Variants in RGMB observed in about 807,000 individuals in gnomAD.
The protein encoded by RGMB is repulsive guidance molecule B.
RGMB carries 16 observed loss-of-function variants against 26.9 expected under a neutral mutation model. The observed-to-expected ratio is 0.60, with a 90% CI of 0.40 to 0.90. The LOEUF is 0.90. RGMB is among the 40% of genes least tolerant of loss of function. The pLI, the probability that RGMB is intolerant of heterozygous loss-of-function variation, is 0.00. For synonymous variants in RGMB, 225 were observed against 229.3 expected (o/e 0.98, Z 0.17); for missense variants, 512 against 573.3 (o/e 0.89, Z 1.09).
intron 1 of RGMB, among the ~76,000 whole-genome samples, chr5:98,774,455 A>T (rs1746320606): frequency 6.6e-6 from 1 of 152,128 alleles, no homozygotes; most frequent in Non-Finnish European, 1.5e-5. Context: ...GACCGCTGAC[A>T]AATCTCCCCT....
At chr5:98,778,796 T>C (rs1746497822) in intron 1 of RGMB, among the ~76,000 whole-genome samples, 1 of 152,216 alleles carries the variant, frequency 6.6e-6, no homozygotes, top group African/African-American at 2.4e-5. Flanking sequence ...TTTATATGAA[T>C]TGTTTTTATT....
chr5:98,775,364 G>A (rs1452217955), intron 1 of RGMB, among the ~76,000 whole-genome samples: 2 of 152,120 alleles, frequency 1.3e-5, no homozygotes, highest in Admixed American at 6.5e-5. Flanking sequence ...CGACAATTAG[G>A]GAAAAGACGG....
rs1746521369 is a variant in RGMB, at chr5:98,779,577, T to C, written c.137-3T>C. On this transcript the variant is annotated splice_polypyrimidine_tract_variant and splice_region_variant and intron_variant, in intron 1 of 2. Coordinates refer to ENST00000513185, the MANE Select transcript of RGMB (RefSeq NM_001366508.1). ...ATGTTTGGTCTTATCTTCTTTCCCA[T>C]AGGTGACTGCCAACAGCCAGCCCAA... is the stretch of plus-strand genomic sequence containing the variant. The C allele has an allele frequency of 1.3e-6, 2 of 1,508,772 alleles. No homozygotes were observed. Among genetic ancestry groups the C allele is most frequent in the Middle Eastern group, 1.8e-4 (1 of 5,590 alleles). The allele number at this position is 1,508,772 out of a possible 1,614,324, so 93.5% of individuals were successfully genotyped here. A position where few individuals can be genotyped will look rare whatever the true frequency, so the allele number is the denominator to read the frequency against.
At position 98,786,929 on chromosome 5, in the gene RGMB, C is replaced by A. The variant is rs554449921; in HGVS notation, c.646-6156C>A. ...TTGGAGCCAAAAGAACATGGGGGTT[C>A]TTTCATGTTGGGACACAGCATGTAT... On this transcript the variant is annotated intron_variant, in intron 2 of 2. Coordinates refer to ENST00000513185, the MANE Select transcript of RGMB (RefSeq NM_001366508.1). Among the ~76,000 whole-genome samples, 10 of 152,246 alleles carry A rather than the reference C, an allele frequency of 6.6e-5. 1 individual carries two copies. In the South Asian group the frequency reaches 1.7e-3, roughly 25 times the overall value.
At position 98,773,698 on chromosome 5, in the gene RGMB, G is replaced by A. The variant is rs1746261104; in HGVS notation, c.-373G>A. 4 of 368,940 alleles carry A rather than the reference G, an allele frequency of 1.1e-5. No homozygotes were observed. Among genetic ancestry groups the A allele is most frequent in the South Asian group, 2.6e-4 (2 of 7,670 alleles). The allele number at this position is 368,940 out of a possible 1,614,324, so 22.9% of individuals were successfully genotyped here. A position where few individuals can be genotyped will look rare whatever the true frequency, so the allele number is the denominator to read the frequency against. ...CCGGGCCGCCGGTGGGTGGTCGCTAGGGCTGGGCCAGCCTCTTGGAGGTCC... is the reference window on the plus strand; with the variant it reads ...CCGGGCCGCCGGTGGGTGGTCGCTAAGGCTGGGCCAGCCTCTTGGAGGTCC... On this transcript the variant is annotated 5_prime_UTR_variant, in exon 1 of 3. Coordinates refer to ENST00000513185, the MANE Select transcript of RGMB (RefSeq NM_001366508.1).
chr5:98,793,863 G>A lies in RGMB; in HGVS notation c.*110G>A, dbSNP rs186410341. ...GTATATATGTATATACCATGTATAT[G>A]ACAGGATGTTTGTCCTGGGACACCC... is the stretch of plus-strand genomic sequence containing the variant. On this transcript the variant is annotated 3_prime_UTR_variant, in exon 3 of 3. Coordinates refer to ENST00000513185, the MANE Select transcript of RGMB (RefSeq NM_001366508.1). The A allele has an allele frequency of 7.2e-5, 61 of 852,678 alleles. No individual in the cohort carries two copies. In the East Asian group the frequency reaches 1.5e-3, roughly 20 times the overall value. The allele number at this position is 852,678 out of a possible 1,614,324, so 52.8% of individuals were successfully genotyped here.
At chr5:98,792,801 C>A in intron 2 of RGMB, 11 of 180,660 alleles carry the variant, frequency 6.1e-5, no homozygotes, top group East Asian at 2.7e-4. Context: ...AACCGATATT[C>A]TGATAGCAAC....
chr5:98,791,370 C>T (rs1746924014), intron 2 of RGMB, among the ~76,000 whole-genome samples: 4 of 152,184 alleles, frequency 2.6e-5, no homozygotes, highest in Middle Eastern at 6.8e-3. Context: ...TGGAAAATTC[C>T]AGTCAAGTAA....
rs1046009675 is a variant in RGMB at position 98,793,966 on chromosome 5, T to A, written c.*213T>A. The stretch of plus-strand genomic sequence containing the variant: ...TTCTTTGATTGTATCAATTTTGTTT[T>A]GCAGTTCTGTGAAATGTTTTATAAT... On this transcript the variant is annotated 3_prime_UTR_variant, in exon 3 of 3. Coordinates refer to ENST00000513185, the MANE Select transcript of RGMB (RefSeq NM_001366508.1). 1 of 472,538 alleles carries A rather than the reference T, an allele frequency of 2.1e-6. No homozygotes were observed. Among genetic ancestry groups the A allele is most frequent in the African/African-American group, 2.0e-5 (1 of 50,398 alleles). The allele number at this position is 472,538 out of a possible 1,614,324, so 29.3% of individuals were successfully genotyped here.
intron 2 of RGMB, among the ~76,000 whole-genome samples, chr5:98,789,173 T>G (rs1746850664): frequency 6.6e-6 from 1 of 152,242 alleles, no homozygotes; most frequent in African/African-American, 2.4e-5. Flanking sequence ...CAGTTTAGTT[T>G]ACTGACCAGT....
At chr5:98,775,380 TAAA>T (rs1746368093) in intron 1 of RGMB, among the ~76,000 whole-genome samples, 1 of 152,170 alleles carries the variant, frequency 6.6e-6, no homozygotes, top group South Asian at 2.1e-4. Context: ...GACGGCTTAA[TAAA>T]AAAGTGTAAT....
chr5:98,793,210 C>G lies in RGMB; in HGVS notation c.771C>G (p.Ser257Arg). Reference protein sequence around the residue: ...TTSGGDSDAKSLRIVERESGH... With the variant: ...TTSGGDSDAKRLRIVERESGH... Reference sequence around the variant, plus strand: ...GTGGTGGGGACAGCGATGCCAAGAGCCTGCGTATCGTGGAAAGGGAGAGTG... The same window carrying G: ...GTGGTGGGGACAGCGATGCCAAGAGGCTGCGTATCGTGGAAAGGGAGAGTG... The change falls in exon 3 of 3, where the codon AGC (serine) becomes AGG (arginine). Residue 257 changes from serine (S) to arginine (R), a missense_variant. Physicochemically the swap from Ser to Arg is moderately radical, Grantham distance 110. Coordinates refer to ENST00000513185, the MANE Select transcript of RGMB (RefSeq NM_001366508.1). The G allele has an allele frequency of 6.2e-7, 1 of 1,614,062 alleles. No homozygotes were observed. Among genetic ancestry groups the G allele is most frequent in the Non-Finnish European group, 8.5e-7 (1 of 1,179,902 alleles).
chr5:98,793,086 T>G lies in RGMB; in HGVS notation c.647T>G (p.Ile216Ser), dbSNP rs1425840802. 3 of 1,594,828 alleles carry G rather than the reference T, an allele frequency of 1.9e-6. No homozygotes were observed. In the African/African-American group the frequency reaches 4.0e-5, roughly 21 times the overall value. Residue 216 changes from isoleucine (I) to serine (S), a missense_variant and splice_region_variant, in exon 3 of 3, where the codon ATC becomes AGC. Transcript: ENST00000513185. The part of the protein sequence containing the change: ...PGSSATATNK[I>S]TIIFKAHHEC... Reference sequence around the variant, plus strand: ...CCTTGTACATGCTCCTTCCCACAGATCACTATTATCTTCAAAGCCCACCAT... The same window carrying G: ...CCTTGTACATGCTCCTTCCCACAGAGCACTATTATCTTCAAAGCCCACCAT...
At position 98,793,222 on chromosome 5, in the gene RGMB, G is replaced by A; in HGVS notation, c.783G>A (p.Val261=). Residue 261 remains valine (V), a synonymous_variant, in exon 3 of 3, where the codon GTG becomes GTA. Transcript: ENST00000513185. ...GCGATGCCAAGAGCCTGCGTATCGTGGAAAGGGAGAGTGGCCACTATGTGG... is the reference window on the plus strand; with the variant it reads ...GCGATGCCAAGAGCCTGCGTATCGTAGAAAGGGAGAGTGGCCACTATGTGG... The part of the protein sequence containing the change: ...GDSDAKSLRI[V]ERESGHYVEM... 1 of 1,614,022 alleles carries A rather than the reference G, an allele frequency of 6.2e-7. No homozygotes were observed. The highest frequency in any genetic ancestry group is 8.5e-7 in the Non-Finnish European group (1 of 1,179,906).
In RGMB at chr5:98,774,124, G is replaced by GCGCCGCCGCTGCCGCCGCCGAGGTTGAA; in HGVS notation, c.55_56insGCCGCCGCTGCCGCCGCCGAGGTTGAAC (p.Gln19ArgfsTer9). 1 of 1,436,652 alleles carries GCGCCGCCGCTGCCGCCGCCGAGGTTGAA rather than the reference G, an allele frequency of 7.0e-7. No individual in the cohort carries two copies. The highest frequency in any genetic ancestry group is 9.3e-7 in the Non-Finnish European group (1 of 1,071,790). 89.0% of individuals were successfully genotyped at this position (1,436,652 alleles called of 1,614,324 possible). A position where few individuals can be genotyped will look rare whatever the true frequency, so the allele number is the denominator to read the frequency against. On this transcript the variant is annotated stop_gained and frameshift_variant, in exon 1 of 3. Coordinates refer to ENST00000513185, the MANE Select transcript of RGMB (RefSeq NM_001366508.1). LOFTEE classifies it high-confidence loss of function. Reference sequence around the variant, plus strand: ...CCGCCGCTGCCGCCGCCGAGGTTGAGCAGCGCCGCAGCCCCGGGCTCTGCC... The same window carrying GCGCCGCCGCTGCCGCCGCCGAGGTTGAA: ...CCGCCGCTGCCGCCGCCGAGGTTGAGCGCCGCCGCTGCCGCCGCCGAGGTTGAACAGCGCCGCAGCCCCGGGCTCTGCC...
chr5:98,791,835 A>G (rs1277602748), intron 2 of RGMB, among the ~76,000 whole-genome samples: 11 of 152,204 alleles, frequency 7.2e-5, no homozygotes, highest in Admixed American at 7.2e-4. Flanking sequence ...TTGGAGGTGA[A>G]GGTGTGCAAG....
At chr5:98,781,516 T>C (rs1561441322) in intron 2 of RGMB, among the ~76,000 whole-genome samples, 1 of 152,224 alleles carries the variant, frequency 6.6e-6, no homozygotes, top group Non-Finnish European at 1.5e-5. Flanking sequence ...AGAGAAACGA[T>C]GGCCCCAAAT....
At chr5:98,783,750 A>G (rs1360978596) in intron 2 of RGMB, among the ~76,000 whole-genome samples, 1 of 152,246 alleles carries the variant, frequency 6.6e-6, no homozygotes, top group Non-Finnish European at 1.5e-5. Flanking sequence ...AGCATATATT[A>G]AAATTGCCAG....
chr5:98,772,177 A>G (rs2112328455), upstream of RGMB, among the ~76,000 whole-genome samples: 1 of 152,372 alleles, frequency 6.6e-6, no homozygotes, highest in East Asian at 1.9e-4. Context: ...TAAGCGTATT[A>G]TGGATATACA....
Sources: allele counts gnomAD v4.1 joint callset (sites outside exome capture counted in the v4.1 genomes callset), GRCh38; gene constraint gnomAD v4.1.1; transcripts MANE v1.5; gene names NCBI Gene and HGNC (gene_info 2026-07-23, HGNC 2026-07-21).